ELMO1: variants seen among roughly 807,000 people sequenced by gnomAD.
The protein encoded by ELMO1 is engulfment and cell motility 1, also known as engulfment and cell motility protein 1.
A neutral mutation model predicts 98.9 loss-of-function variants in ELMO1; 26 were observed. The ratio of observed to expected loss-of-function variants is 0.26; its 90% CI spans 0.19 to 0.36. The LOEUF is 0.36. Ranked by LOEUF, ELMO1 falls within the 10% of genes least tolerant of loss-of-function variation. ELMO1 has a pLI of 1.00. For missense variants in ELMO1, 627 were observed against 935.2 expected (o/e 0.67, Z 4.30); for synonymous variants, 346 against 346.0 (o/e 1.00, Z 0.00).
At position 37,005,122 on chromosome 7, in the gene ELMO1, A is replaced by G. The variant is rs538650478; in HGVS notation, c.1437+8177T>C. 9.4e-3 allele frequency among the ~76,000 whole-genome samples: 1,427 copies of G among 151,022 alleles called. 31 individuals are homozygous for G. Among genetic ancestry groups the G allele is most frequent in the African/African-American group, 0.033 (1,360 of 41,088 alleles). ...GGCTCTGTCTCAAAAAAAAAAAAAA[A>G]AAAAAAAAAAGAAAAAAAGAAAATT... On this transcript the variant is annotated intron_variant, in intron 16 of 21. Coordinates refer to ENST00000310758, the MANE Select transcript of ELMO1 (RefSeq NM_014800.11).
chr7:37,228,941 A>G (rs528923825), intron 8 of ELMO1, among the ~76,000 whole-genome samples: 25 of 152,262 alleles, frequency 1.6e-4, no homozygotes, highest in African/African-American at 5.8e-4. Flanking sequence ...GCAGTGAGCC[A>G]AGATCACACC....
chr7:37,307,189 T>C (rs1798654411), intron 4 of ELMO1, among the ~76,000 whole-genome samples: 1 of 152,224 alleles, frequency 6.6e-6, no homozygotes, highest in African/African-American at 2.4e-5. Flanking sequence ...AAATTTGATA[T>C]AAATTAGTCA....
At chr7:37,336,702 G>A (rs1038863945) in intron 2 of ELMO1, among the ~76,000 whole-genome samples, 4 of 152,190 alleles carry the variant, frequency 2.6e-5, no homozygotes, top group African/African-American at 7.2e-5. Context: ...GCTTTGCCGA[G>A]CGTAACCGAG....
At chr7:36,966,339 T>A (rs1188760846) in intron 16 of ELMO1, among the ~76,000 whole-genome samples, 2 of 152,320 alleles carry the variant, frequency 1.3e-5, no homozygotes, top group Middle Eastern at 3.4e-3. Flanking sequence ...GCGTGAAGGT[T>A]ATTTATATTT....
At chr7:37,038,495 A>G (rs1795317707) in intron 15 of ELMO1, among the ~76,000 whole-genome samples, 1 of 152,170 alleles carries the variant, frequency 6.6e-6, no homozygotes, top group Non-Finnish European at 1.5e-5. Flanking sequence ...GTATTTTGGG[A>G]CAGATTTTTT....
chr7:36,899,785 C>T (rs187948155), intron 16 of ELMO1, among the ~76,000 whole-genome samples: 6 of 145,506 alleles, frequency 4.1e-5, no homozygotes, highest in African/African-American at 1.5e-4. Context: ...ATGGTACATA[C>T]TGGATATCTG....
chr7:36,944,905 A>G (rs551010974), intron 16 of ELMO1, among the ~76,000 whole-genome samples: 1 of 152,272 alleles, frequency 6.6e-6, no homozygotes, highest in South Asian at 2.1e-4. Flanking sequence ...AAAGCAAAGG[A>G]GCCTATGCTA....
intron 16 of ELMO1, among the ~76,000 whole-genome samples, chr7:36,941,373 A>AT (rs1787019777): frequency 1.3e-5 from 2 of 152,342 alleles, no homozygotes; most frequent in South Asian, 4.1e-4. Context: ...TTTTCAGAGT[A>AT]AGCTCTGGGT....
chr7:36,861,479 T>C (rs2302636), intron 21 of ELMO1, among the ~76,000 whole-genome samples, 180 bp downstream of exon 21: 9 of 152,258 alleles, frequency 5.9e-5, no homozygotes, highest in South Asian at 4.2e-4. Flanking sequence ...TACTAAGAAG[T>C]TGAATCTGTT....
chr7:37,427,242 T>A (rs752895953), intron 1 of ELMO1, among the ~76,000 whole-genome samples: 1 of 152,248 alleles, frequency 6.6e-6, no homozygotes, highest in Non-Finnish European at 1.5e-5. Flanking sequence ...GTGACATCTC[T>A]GTGATGTGCT....
At chr7:37,345,300 G>A (rs1800942010) in intron 1 of ELMO1, among the ~76,000 whole-genome samples, 1 of 152,138 alleles carries the variant, frequency 6.6e-6, no homozygotes, top group Non-Finnish European at 1.5e-5. Context: ...AGGATATGAA[G>A]AAAAATCAAG....
At chr7:36,867,626 TAATG>T (rs368107359) in intron 20 of ELMO1, among the ~76,000 whole-genome samples, 12 of 152,168 alleles carry the variant, frequency 7.9e-5, no homozygotes, top group African/African-American at 2.9e-4. Flanking sequence ...TCTTCTTTTC[TAATG>T]TAGTCATTCA....
intron 2 of ELMO1, among the ~76,000 whole-genome samples, chr7:37,321,641 C>T (rs1285429940): frequency 7.5e-6 from 1 of 133,320 alleles, no homozygotes; most frequent in Non-Finnish European, 1.5e-5. Context: ...GGCGTGAACT[C>T]GGGAGGCGGA....
chr7:37,119,799 A>T (rs892027922), intron 14 of ELMO1, among the ~76,000 whole-genome samples: 3 of 152,168 alleles, frequency 2.0e-5, no homozygotes, highest in Non-Finnish European at 2.9e-5. Flanking sequence ...TTTTAAAGGC[A>T]TTTCTATTCT....
intron 8 of ELMO1, among the ~76,000 whole-genome samples, chr7:37,225,401 T>C (rs560240969): frequency 6.6e-6 from 1 of 152,194 alleles, no homozygotes; most frequent in African/African-American, 2.4e-5. Flanking sequence ...TGTCAACATA[T>C]GTTAATTGCC....
intron 2 of ELMO1, among the ~76,000 whole-genome samples, chr7:37,323,385 A>G (rs1799624737): frequency 6.6e-6 from 1 of 152,222 alleles, no homozygotes; most frequent in Non-Finnish European, 1.5e-5. Context: ...TTTATTGCCA[A>G]TTTTTGTAAC....
intron 2 of ELMO1, among the ~76,000 whole-genome samples, chr7:37,328,614 A>G (rs1799945875): frequency 6.6e-6 from 1 of 152,128 alleles, no homozygotes; most frequent in African/African-American, 2.4e-5. Context: ...CCTGGCACAT[A>G]GGAAGTTCAG....
At chr7:37,136,596 G>T (rs116967860) in intron 13 of ELMO1, among the ~76,000 whole-genome samples, 1 of 152,092 alleles carries the variant, frequency 6.6e-6, no homozygotes, top group Non-Finnish European at 1.5e-5. Context: ...AACAATTATC[G>T]GCCAAGAATC....
intron 1 of ELMO1, among the ~76,000 whole-genome samples, chr7:37,413,825 A>T (rs772506277): frequency 1.1e-4 from 16 of 152,118 alleles, no homozygotes; most frequent in Non-Finnish European, 2.1e-4. Context: ...TTACAGGCGC[A>T]CACCACCACG....
Sources: gnomAD v4.1 joint callset for allele counts (sites outside exome capture counted in the v4.1 genomes callset) on GRCh38, gnomAD v4.1.1 for gene constraint, MANE v1.5 for transcripts, NCBI Gene and HGNC (gene_info 2026-07-23, HGNC 2026-07-21) for gene names.